Variants in KIF1C observed in about 807,000 individuals in gnomAD.
The protein encoded by KIF1C is kinesin family member 1C.
Under a neutral mutation model 126.5 loss-of-function variants are expected in KIF1C, and 61 were observed. The ratio of observed to expected loss-of-function variants is 0.48; its 90% CI spans 0.39 to 0.60. The LOEUF is 0.60. Among genes scored for constraint, KIF1C ranks in the 20% least tolerant of loss-of-function variants. The pLI is 0.00. For missense variants in KIF1C, 1,315 were observed against 1,489.2 expected, an observed-to-expected ratio of 0.88 and a Z score of 1.93; for synonymous variants, 640 against 580.6, an observed-to-expected ratio of 1.10 and a Z score of -1.47.
chr17:5,005,260 A>C (rs567971697), intron 13 of KIF1C, among the ~76,000 whole-genome samples: 1 of 152,390 alleles, frequency 6.6e-6, no homozygotes, highest in East Asian at 1.9e-4. Flanking sequence ...TGACTGTTAC[A>C]GGAAAAAATG....
chr17:5,021,167 T>TA (rs1975081475), intron 21 of KIF1C, among the ~76,000 whole-genome samples: 1 of 124,868 alleles, frequency 8.0e-6, no homozygotes, highest in Non-Finnish European at 1.7e-5. Context: ...AAGATTGTTG[T>TA]GGTTTTTTTT....
In KIF1C at chr17:5,002,105, A is replaced by C. The variant is rs769231942; in HGVS notation, c.410A>C (p.Gln137Pro). 1.2e-6 allele frequency: 2 copies of C among 1,614,030 alleles called. No individual in the cohort carries two copies. Among genetic ancestry groups the C allele is most frequent in the South Asian group, 2.2e-5 (2 of 91,068 alleles). Residue 137 changes from glutamine to proline, a missense_variant, in exon 6 of 23, where the codon CAG (glutamine) becomes CCG (proline). By Grantham distance (76) the Gln-to-Pro change is moderately conservative. Transcript: ENST00000320785. ...FSRVSENQSA[Q>P]LSYSVEVSYM... Reference sequence around the variant, plus strand: ...CGCGTTAGTGAGAACCAGAGTGCTCAGCTATCCTACTCTGTGGAGGTAAGC... The same window carrying C: ...CGCGTTAGTGAGAACCAGAGTGCTCCGCTATCCTACTCTGTGGAGGTAAGC...
At position 5,023,966 on chromosome 17, in the gene KIF1C, G is replaced by A. The variant is rs1199087791; in HGVS notation, c.3127G>A (p.Ala1043Thr). The A allele has an allele frequency of 8.2e-6, 13 of 1,581,246 alleles. No individual in the cohort carries two copies. The highest frequency in any genetic ancestry group is 1.1e-5 in the Non-Finnish European group (13 of 1,162,872). The change falls in exon 23 of 23, where the codon GCG becomes ACG. Residue 1043 changes from alanine (A) to threonine (T), a missense_variant. By Grantham distance (58) the Ala-to-Thr change is moderately conservative (BLOSUM62 0). Around this residue, in one of 2 missense-constraint regions of KIF1C, gnomAD observed 441 missense variants for 436.1 expected, o/e 1.01. Transcript: ENST00000320785. The surrounding 1 kb of genome is among the most constrained non-coding windows in gnomAD (Gnocchi z 4.2). ...GGATGGAGGGGGCCGATCCCGGGGA[G>A]CGGGTTCTGCACAGCCTGAACCCCA... The part of the protein sequence containing the change: ...SLDGGGRSRG[A>T]GSAQPEPQHF...
chr17:5,007,715 A>G (rs1294821557), intron 16 of KIF1C, among the ~76,000 whole-genome samples, 173 bp downstream of exon 16: 1 of 151,938 alleles, frequency 6.6e-6, no homozygotes, highest in Non-Finnish European at 1.5e-5. Flanking sequence ...TTGTTTAGTC[A>G]TCCCTGCCTT....
rs755969023 is a variant in KIF1C, at chr17:5,003,656, C to A, written c.765C>A (p.Ala255=). 1.2e-5 allele frequency: 19 copies of A among 1,613,634 alleles called. No individual in the cohort carries two copies. The highest frequency in any genetic ancestry group is 1.6e-5 in the Non-Finnish European group (19 of 1,179,880). The change falls in exon 9 of 23, where the codon GCC becomes GCA. Residue 255 remains alanine (A), a synonymous_variant. Coordinates refer to ENST00000320785, the MANE Select transcript of KIF1C (RefSeq NM_006612.6). ...TGGACCTTGCTGGGAGTGAGCGAGCCGACTCCTCAGGGGCCCGGGGCATGC... is the reference window on the plus strand; with the variant it reads ...TGGACCTTGCTGGGAGTGAGCGAGCAGACTCCTCAGGGGCCCGGGGCATGC... ...SLVDLAGSER[A]DSSGARGMRL...
At chr17:4,999,574 G>A (rs1332332146) in intron 1 of KIF1C, among the ~76,000 whole-genome samples, 2 of 151,754 alleles carry the variant, frequency 1.3e-5, no homozygotes, top group Admixed American at 1.3e-4. Context: ...CCCCCCTCAC[G>A]TCTCTGCCCA....
chr17:5,001,786 C>T (rs527897227), intron 5 of KIF1C, among the ~76,000 whole-genome samples: 1 of 152,262 alleles, frequency 6.6e-6, no homozygotes, highest in South Asian at 2.1e-4. Context: ...CATAATTGTC[C>T]CTGGCTGTCC....
At chr17:5,004,527 C>G (rs751557697) in intron 11 of KIF1C, 40 bp from the exon 12 acceptor site, 1 of 1,595,674 alleles carries the variant, frequency 6.3e-7, no homozygotes, top group Non-Finnish European at 8.6e-7. Flanking sequence ...TTGCTTAGCC[C>G]CTCCCTCAGC....
intron 16 of KIF1C, among the ~76,000 whole-genome samples, chr17:5,011,252 G>A (rs1362794725): frequency 2.0e-5 from 3 of 152,206 alleles, no homozygotes. Context: ...ACAGGGAATA[G>A]TTGGGTCTTA....
intron 11 of KIF1C, 116 bp downstream of exon 11, chr17:5,004,189 C>T (rs1974672653): frequency 1.4e-5 from 11 of 812,208 alleles, no homozygotes; most frequent in South Asian, 8.2e-5. Context: ...TCTTACTTCT[C>T]CCCCTGACCC....
chr17:5,009,656 C>T (rs1052569394), intron 16 of KIF1C, among the ~76,000 whole-genome samples: 4 of 150,936 alleles, frequency 2.7e-5, no homozygotes, highest in African/African-American at 4.9e-5. Flanking sequence ...CGTGTGCTGG[C>T]GGGCGCCTGT....
chr17:5,007,193 G>A (rs1320131558), intron 14 of KIF1C, 70 bp from the exon 15 acceptor site: 6 of 1,570,976 alleles, frequency 3.8e-6, no homozygotes, highest in East Asian at 2.3e-5. Context: ...ATGGCCCCAG[G>A]GTAGGTTGTC....
rs1401450782 is a variant in KIF1C at position 5,007,521 on chromosome 17, G to T, written c.1470G>T (p.Val490=). Residue 490 remains valine, a synonymous_variant, in exon 16 of 23, where the codon GTG becomes GTT. Transcript: ENST00000320785. ...GVAVREDGGT[V]GVFSPKKTPH... ...CCGTCCGGGAGGATGGGGGAACTGT[G>T]GGCGTCTTCTCTCCAAAGAAGGTGA... The T allele has an allele frequency of 3.8e-6, 6 of 1,562,420 alleles. No homozygotes were observed. The highest frequency in any genetic ancestry group is 5.2e-6 in the Non-Finnish European group (6 of 1,154,912).
At position 5,022,805 on chromosome 17, in the gene KIF1C, G is replaced by A; in HGVS notation, c.2628+96G>A. On this transcript the variant is annotated intron_variant, in intron 22 of 22. Transcript: ENST00000320785. The surrounding 1 kb of genome is among the most constrained non-coding windows in gnomAD (Gnocchi z 4.9). ...TCAGAGCCTAACCTTCCCCAAGTCTGGAAAAAATTGCATTGAAGTATAGTA... is the reference window on the plus strand; with the variant it reads ...TCAGAGCCTAACCTTCCCCAAGTCTAGAAAAAATTGCATTGAAGTATAGTA... The A allele has an allele frequency of 7.3e-7, 1 of 1,378,142 alleles. No individual in the cohort carries two copies. Among genetic ancestry groups the A allele is most frequent in the East Asian group, 2.7e-5 (1 of 37,588 alleles). The allele number at this position is 1,378,142 out of a possible 1,614,324, so 85.4% of individuals were successfully genotyped here. A position where few individuals can be genotyped will look rare whatever the true frequency, so the allele number is the denominator to read the frequency against.
chr17:5,012,835 G>A (rs1974895438), intron 16 of KIF1C, among the ~76,000 whole-genome samples: 2 of 152,214 alleles, frequency 1.3e-5, no homozygotes, highest in Admixed American at 1.3e-4. Context: ...TGCCCAGCAA[G>A]GGCAGGGCTG....
At chr17:5,002,159 GTCCAGACTGC>G in intron 6 of KIF1C, 35 bp downstream of exon 6, 1 of 1,585,528 alleles carries the variant, frequency 6.3e-7, no homozygotes, top group Non-Finnish European at 8.7e-7. Context: ...GCTGAGAGGG[GTCCAGACTGC>G]TGAGGGCTGT....
intron 18 of KIF1C, 95 bp from the exon 19 acceptor site, chr17:5,019,901 G>A: frequency 3.3e-6 from 3 of 906,394 alleles, no homozygotes; most frequent in Non-Finnish European, 5.3e-6. Flanking sequence ...TGGTGCATGT[G>A]TGGTTTTTTG....
At chr17:5,017,143 C>T (rs1974987842) in intron 18 of KIF1C, among the ~76,000 whole-genome samples, 1 of 152,066 alleles carries the variant, frequency 6.6e-6, no homozygotes, top group South Asian at 2.1e-4. Context: ...AAAAATACAC[C>T]TCAGCAGAGC....
chr17:5,017,331 G>A lies in KIF1C; in HGVS notation c.1666+2494G>A, dbSNP rs1260605510. On this transcript the variant is annotated intron_variant, in intron 18 of 22. Transcript: ENST00000320785. The stretch of plus-strand genomic sequence containing the variant: ...TTTTTTTTTTTTGAGACGGAGTCTC[G>A]CTCTGTCGCCCAGGCTCGAGTGCAG... Among the ~76,000 whole-genome samples the A allele has an allele frequency of 4.0e-5, 5 of 125,894 alleles. No homozygotes were observed. In the Admixed American group the frequency reaches 4.1e-4, roughly 10 times the overall value. The allele number at this position is 125,894 out of a possible 152,430, so 82.6% of individuals were successfully genotyped here. A position where few individuals can be genotyped will look rare whatever the true frequency, so the allele number is the denominator to read the frequency against.
Sources: gnomAD v4.1 joint callset for allele counts (sites outside exome capture counted in the v4.1 genomes callset) on GRCh38, gnomAD v4.1.1 for gene constraint, gnomAD v4.1.1 regional missense constraint, Gnocchi (gnomAD v3.1) non-coding constraint, MANE v1.5 for transcripts, NCBI Gene and HGNC (gene_info 2026-07-23, HGNC 2026-07-21) for gene names.